The following WDPCP variants were observed in gnomAD, a reference collection of about 807,000 sequenced individuals.
WDPCP encodes WD repeat containing planar cell polarity effector.
WDPCP carries 71 observed loss-of-function variants against 93.1 expected under a neutral mutation model. The observed-to-expected ratio is 0.76, with a 90% confidence interval of 0.63 to 0.93. The LOEUF is 0.93. Among genes scored for constraint, WDPCP ranks in the 40% least tolerant of loss-of-function variants. The probability of loss-of-function intolerance (pLI) is 0.00; values close to 1 mark genes in which losing one functional copy is unlikely to be tolerated. For synonymous variants in WDPCP, 315 were observed against 315.0 expected, an observed-to-expected ratio of 1.00 and a Z score of 0.00; for missense variants, 844 against 887.4, an observed-to-expected ratio of 0.95 and a Z score of 0.62.
intron 1 of WDPCP, among the ~76,000 whole-genome samples, chr2:63,568,782 C>T (rs967593480): frequency 6.6e-6 from 1 of 152,202 alleles, no homozygotes; most frequent in African/African-American, 2.4e-5. Flanking sequence ...AAAACACCTT[C>T]AAATAAGGAA....
At chr2:63,417,208 T>C (rs1695498694) in intron 9 of WDPCP, among the ~76,000 whole-genome samples, 1 of 152,208 alleles carries the variant, frequency 6.6e-6, no homozygotes, top group South Asian at 2.1e-4. Flanking sequence ...ACACAGACAC[T>C]AAATAAAATC....
At chr2:63,762,252 G>A (rs1185265912) in intron 2 of WDPCP, among the ~76,000 whole-genome samples, 1 of 152,188 alleles carries the variant, frequency 6.6e-6, no homozygotes, top group Non-Finnish European at 1.5e-5. Context: ...GGACCAACGA[G>A]GCTGCAGAGG....
upstream of WDPCP, chr2:63,588,554 G>A (rs1709045096): frequency 5.2e-6 from 3 of 573,198 alleles, no homozygotes; most frequent in South Asian, 4.0e-5. Context: ...TTACGCAGCG[G>A]AAGGTCTCTT....
intron 2 of WDPCP, among the ~76,000 whole-genome samples, chr2:63,789,863 T>C (rs1670520770): frequency 1.3e-5 from 2 of 152,202 alleles, no homozygotes; most frequent in Non-Finnish European, 2.9e-5. Flanking sequence ...TAGGATTACA[T>C]CAAGTCCCAA....
chr2:63,202,791 G>C lies in WDPCP; in HGVS notation c.1916-27959C>G, dbSNP rs543884761. On this transcript the variant is annotated intron_variant, in intron 14 of 17. Transcript: ENST00000272321. ...TCACATTACATTTGTCTGCATCTTT[G>C]TTTATCCTTTATTTTCAACCATTCT... is the stretch of plus-strand genomic sequence containing the variant. 2.0e-5 allele frequency among the ~76,000 whole-genome samples: 3 copies of C among 152,152 alleles called. No homozygotes were observed. In the East Asian group the frequency reaches 5.8e-4, roughly 29 times the overall value.
chr2:63,363,051 A>C (rs536666383), intron 12 of WDPCP, among the ~76,000 whole-genome samples: 338 of 152,266 alleles, frequency 2.2e-3, no homozygotes, highest in Middle Eastern at 6.8e-3. Context: ...ATATACTTCC[A>C]CTTATTTAGA....
chr2:63,684,701 A>C, intron 2 of WDPCP: 4 of 656,600 alleles, frequency 6.1e-6, no homozygotes, highest in Non-Finnish European at 1.2e-5. Context: ...GTTCTTCCAG[A>C]AGCTGCGGTT....
chr2:63,601,815 C>CT (rs1176219518), intron 3 of WDPCP, among the ~76,000 whole-genome samples: 1 of 152,204 alleles, frequency 6.6e-6, no homozygotes, highest in Non-Finnish European at 1.5e-5. Flanking sequence ...GTTATAGGCT[C>CT]TAACTTCCTG....
intron 1 of WDPCP, among the ~76,000 whole-genome samples, chr2:63,543,069 T>C (rs1704865291): frequency 6.6e-6 from 1 of 152,174 alleles, no homozygotes; most frequent in African/African-American, 2.4e-5. Context: ...AAGAATTTCA[T>C]AAAACATAAA....
chr2:63,517,923 G>A (rs1702657933), intron 1 of WDPCP: 1 of 152,276 alleles, frequency 6.6e-6, no homozygotes, highest in Admixed American at 6.5e-5. Flanking sequence ...GTCTCCCTCT[G>A]TCTTGCCCAG....
chr2:63,840,770 T>C, the WDPCP span, among the ~76,000 whole-genome samples: 1 of 152,246 alleles, frequency 6.6e-6, no homozygotes, highest in Non-Finnish European at 1.5e-5. Flanking sequence ...GAGGCTTCCC[T>C]GGCCGCAACG....
intron 2 of WDPCP, among the ~76,000 whole-genome samples, chr2:63,661,602 T>C (rs143002969): frequency 6.6e-6 from 1 of 152,374 alleles, no homozygotes; most frequent in Admixed American, 6.5e-5. Flanking sequence ...ATTCATGACA[T>C]GTATTGCTTG....
At chr2:63,779,494 C>T (rs1670355522) in intron 2 of WDPCP, among the ~76,000 whole-genome samples, 1 of 152,086 alleles carries the variant, frequency 6.6e-6, no homozygotes, top group Non-Finnish European at 1.5e-5. Flanking sequence ...TAAGGCATTG[C>T]TTGTCCTGGT....
At chr2:63,255,924 A>G (rs936525140) in intron 14 of WDPCP, among the ~76,000 whole-genome samples, 8 of 152,192 alleles carry the variant, frequency 5.3e-5, no homozygotes, top group African/African-American at 1.9e-4. Flanking sequence ...AAATTTAAAA[A>G]TAAGATTACC....
chr2:63,249,003 T>C (rs908502326), intron 14 of WDPCP, among the ~76,000 whole-genome samples: 2 of 152,172 alleles, frequency 1.3e-5, no homozygotes, highest in Admixed American at 1.3e-4. Flanking sequence ...CTTTGCCTAG[T>C]TAGTAAGATG....
intron 17 of WDPCP, among the ~76,000 whole-genome samples, chr2:63,126,589 T>G (rs998113238): frequency 6.6e-6 from 1 of 152,192 alleles, no homozygotes; most frequent in East Asian, 1.9e-4. Context: ...CCTTCCCAAA[T>G]TCAGAGCTAA....
At chr2:63,607,263 G>A (rs1265453960) in intron 3 of WDPCP, 4 of 204,720 alleles carry the variant, frequency 2.0e-5, no homozygotes, top group East Asian at 1.4e-4. Context: ...GCGGACAGGC[G>A]CAGTGACTGA....
At chr2:63,141,152 T>C (rs1286885154) in intron 17 of WDPCP, among the ~76,000 whole-genome samples, 1 of 152,184 alleles carries the variant, frequency 6.6e-6, no homozygotes, top group East Asian at 1.9e-4. Context: ...CAATCTTGGC[T>C]CCTGCAACCT....
rs201851682 is a variant in WDPCP at position 63,149,723 on chromosome 2, TA to T, written c.2190+3190del. ...CAAAAATAATATTTAGTGAAAAAAG[TA>T]AGTAACAAGAAGAATGCACTATGTT... is the stretch of plus-strand genomic sequence containing the variant. On this transcript the variant is annotated intron_variant, in intron 17 of 17. Coordinates refer to ENST00000272321, the MANE Select transcript of WDPCP (RefSeq NM_015910.7). Among the ~76,000 whole-genome samples, 1,494 of 152,302 alleles carry T rather than the reference TA, an allele frequency of 9.8e-3. 14 individuals are homozygous for T. The highest frequency in any genetic ancestry group is 0.015 in the Non-Finnish European group (1,043 of 68,018).
Sources: allele counts gnomAD v4.1 joint callset (sites outside exome capture counted in the v4.1 genomes callset), GRCh38; gene constraint gnomAD v4.1.1; transcripts MANE v1.5; gene names NCBI Gene and HGNC (gene_info 2026-07-23, HGNC 2026-07-21).